SLC30A7: variants seen among roughly 807,000 people sequenced by gnomAD.
SLC30A7 encodes the protein zinc transporter 7.
SLC30A7 carries 35 observed loss-of-function variants against 46.0 expected under a neutral mutation model. The observed-to-expected ratio is 0.76, with a 90% CI of 0.58 to 1.01. The LOEUF (loss-of-function observed/expected upper bound fraction) is 1.01, where lower values mean the gene tolerates loss of function less well. SLC30A7 is among the 50% of genes least tolerant of loss of function. SLC30A7 has a pLI of 0.00. For missense variants in SLC30A7, 464 were observed against 451.1 expected, an observed-to-expected ratio of 1.03 and a Z score of -0.26; for synonymous variants, 147 against 157.8, an observed-to-expected ratio of 0.93 and a Z score of 0.51.
intron 8 of SLC30A7, among the ~76,000 whole-genome samples, chr1:100,945,226 T>C (rs1654560632): frequency 6.6e-6 from 1 of 152,160 alleles, no homozygotes; most frequent in Admixed American, 6.5e-5. Flanking sequence ...TTTTCTCCCA[T>C]TCTGTAGGTT....
intron 3 of SLC30A7, among the ~76,000 whole-genome samples, 175 bp from the exon 4 acceptor site, chr1:100,910,888 G>A (rs183705329): frequency 1.3e-5 from 2 of 152,138 alleles, no homozygotes; most frequent in Admixed American, 6.5e-5. Context: ...GTACTAATTC[G>A]TTTCCTCATT....
At chr1:100,930,619 CA>C (rs548735287) in intron 8 of SLC30A7, among the ~76,000 whole-genome samples, 317 of 151,706 alleles carry the variant, frequency 2.1e-3, no homozygotes, top group African/African-American at 7.0e-3. Context: ...TACCATATGA[CA>C]AATTCTGGAG....
intron 8 of SLC30A7, among the ~76,000 whole-genome samples, chr1:100,938,257 GA>G (rs763617954): frequency 6.6e-6 from 1 of 152,020 alleles, no homozygotes; most frequent in Non-Finnish European, 1.5e-5. Context: ...TCTATTTCTA[GA>G]AAAAAATGTC....
chr1:100,971,428 G>T (rs947061704), intron 10 of SLC30A7, among the ~76,000 whole-genome samples: 2 of 151,804 alleles, frequency 1.3e-5, no homozygotes, highest in Non-Finnish European at 1.5e-5. Context: ...ATTTGTATTT[G>T]AAGTCCGCCA....
the SLC30A7 span, among the ~76,000 whole-genome samples, chr1:100,987,184 A>G: frequency 3.9e-5 from 6 of 152,246 alleles, no homozygotes; most frequent in South Asian, 2.1e-4. Context: ...GGTTTTCATC[A>G]GTTTTACCTG....
At chr1:100,991,613 C>T in the SLC30A7 span, among the ~76,000 whole-genome samples, 1 of 151,752 alleles carries the variant, frequency 6.6e-6, no homozygotes, top group Non-Finnish European at 1.5e-5. Flanking sequence ...ATGGTGAAAC[C>T]CCATCTCCAC....
At chr1:100,941,939 T>A (rs1178379520) in intron 8 of SLC30A7, 2 of 294,944 alleles carry the variant, frequency 6.8e-6, no homozygotes, top group Non-Finnish European at 1.3e-5. Flanking sequence ...AACCCTCCAA[T>A]GAAAATGAAG....
At chr1:100,971,433 C>A (rs1338595716) in intron 10 of SLC30A7, among the ~76,000 whole-genome samples, 3 of 152,018 alleles carry the variant, frequency 2.0e-5, no homozygotes, top group Non-Finnish European at 4.4e-5. Context: ...TATTTGAAGT[C>A]CGCCAGAATC....
intron 8 of SLC30A7, among the ~76,000 whole-genome samples, chr1:100,947,446 A>G (rs933600693): frequency 6.6e-6 from 1 of 152,150 alleles, no homozygotes; most frequent in Non-Finnish European, 1.5e-5. Context: ...GTTCTTTTAC[A>G]TTTGCTGAGG....
At chr1:100,920,562 A>G (rs901216225) in intron 7 of SLC30A7, among the ~76,000 whole-genome samples, 2 of 152,012 alleles carry the variant, frequency 1.3e-5, no homozygotes, top group African/African-American at 2.4e-5. Context: ...GGGATGATTT[A>G]TATTTAATAT....
intron 10 of SLC30A7, among the ~76,000 whole-genome samples, chr1:100,973,448 C>G (rs570750671): frequency 6.6e-6 from 1 of 151,998 alleles, no homozygotes. Flanking sequence ...TTAGTTAATT[C>G]AACAAATACT....
At chr1:100,971,467 GAAC>G (rs1656158307) in intron 10 of SLC30A7, among the ~76,000 whole-genome samples, 1 of 152,084 alleles carries the variant, frequency 6.6e-6, no homozygotes, top group South Asian at 2.1e-4. Flanking sequence ...AGGTTGGAGA[GAAC>G]AACCACAGGT....
intron 8 of SLC30A7, among the ~76,000 whole-genome samples, chr1:100,938,143 A>T (rs1654084805): frequency 6.6e-6 from 1 of 152,120 alleles, no homozygotes; most frequent in African/African-American, 2.4e-5. Flanking sequence ...CTTTGTAGTA[A>T]CTTGAAATTA....
In SLC30A7 at chr1:100,918,112, A is replaced by G. The variant is rs769521587; in HGVS notation, c.691A>G (p.Arg231Gly). 5 of 1,612,724 alleles carry G rather than the reference A, an allele frequency of 3.1e-6. No individual in the cohort carries two copies. The highest frequency in any genetic ancestry group is 1.3e-5 in the African/African-American group (1 of 74,912). Reference protein sequence around the residue: ...PSLKETTGPSRQILQGVFLHI... With the variant: ...PSLKETTGPSGQILQGVFLHI... ...CTTAAAAGAAACAACAGGACCCAGCAGACAGATTTTACAAGGTATGACAAG... is the reference window on the plus strand; with the variant it reads ...CTTAAAAGAAACAACAGGACCCAGCGGACAGATTTTACAAGGTATGACAAG... The change falls in exon 7 of 11, where the codon AGA becomes GGA. Residue 231 changes from arginine (R) to glycine (G), a missense_variant. By Grantham distance (125) the Arg-to-Gly change is moderately radical (BLOSUM62 -2). Coordinates refer to ENST00000357650, the MANE Select transcript of SLC30A7 (RefSeq NM_133496.5).
At chr1:100,908,774 T>G (rs1353925287) in intron 3 of SLC30A7, among the ~76,000 whole-genome samples, 20 of 152,110 alleles carry the variant, frequency 1.3e-4, no homozygotes. Context: ...GTAATTTATT[T>G]ATATTATATA....
rs1321191321 is a variant in SLC30A7 at position 100,974,907 on chromosome 1, T to C, written c.*50T>C. 1 of 1,469,112 alleles carries C rather than the reference T, an allele frequency of 6.8e-7. No individual in the cohort carries two copies. The highest frequency in any genetic ancestry group is 1.3e-5 in the South Asian group (1 of 79,468). The allele number at this position is 1,469,112 out of a possible 1,614,324, so 91.0% of individuals were successfully genotyped here. A position where few individuals can be genotyped will look rare whatever the true frequency, so the allele number is the denominator to read the frequency against. ...TTTATGGACCAAATTTTTCTGGTAC[T>C]GTACGATCCAAAACATTGTACCCAG... On this transcript the variant is annotated 3_prime_UTR_variant, in exon 11 of 11. Transcript: ENST00000357650.
the SLC30A7 span, chr1:100,990,695 C>A: frequency 6.8e-7 from 1 of 1,472,862 alleles, no homozygotes; most frequent in South Asian, 1.2e-5. Context: ...AACAGTCAAA[C>A]AAACATTAGT....
chr1:100,900,141 A>C (rs1245458220), intron 2 of SLC30A7, among the ~76,000 whole-genome samples: 4 of 152,196 alleles, frequency 2.6e-5, no homozygotes, highest in African/African-American at 9.6e-5. Flanking sequence ...TGTCCAAAAA[A>C]CATCACACTG....
At chr1:100,959,653 A>G (rs1356484138) in intron 8 of SLC30A7, among the ~76,000 whole-genome samples, 1 of 152,232 alleles carries the variant, frequency 6.6e-6, no homozygotes, top group Admixed American at 6.5e-5. Flanking sequence ...CAGCTATGAG[A>G]GAGCAAGTGA....
Sources: gnomAD v4.1 joint callset for allele counts (sites outside exome capture counted in the v4.1 genomes callset) on GRCh38, gnomAD v4.1.1 for gene constraint, MANE v1.5 for transcripts, NCBI Gene and HGNC (gene_info 2026-07-23, HGNC 2026-07-21) for gene names.